Variants in SMAP1 observed in about 807,000 individuals in gnomAD.
The protein encoded by SMAP1 is small ArfGAP 1, also known as stromal membrane-associated protein 1.
SMAP1 carries 24 observed loss-of-function variants against 58.5 expected under a neutral mutation model. The ratio of observed to expected loss-of-function variants is 0.41; its 90% CI spans 0.30 to 0.58. The LOEUF is 0.58. Among genes scored for constraint, SMAP1 ranks in the 20% least tolerant of loss-of-function variants. The pLI, the probability that SMAP1 is intolerant of heterozygous loss-of-function variation, is 0.29. For missense variants in SMAP1, 563 were observed against 566.3 expected (o/e 0.99, Z 0.06); for synonymous variants, 216 against 196.6 (o/e 1.10, Z -0.82).
Position 70,860,904 on chromosome 6 carries a change from C to T in SMAP1, c.*570C>T. 7.7e-6 allele frequency: 3 copies of T among 387,530 alleles called. No individual in the cohort carries two copies. The highest frequency in any genetic ancestry group is 1.4e-5 in the Non-Finnish European group (3 of 219,114). 24.0% of individuals were successfully genotyped at this position (387,530 alleles called of 1,614,324 possible). ...AGGAAGATAAACGTGGATGTTACTC[C>T]AAAACTTCGTTTAATGAATGCTTAA... On this transcript the variant is annotated 3_prime_UTR_variant, in exon 11 of 11. Transcript: ENST00000370455.
intron 6 of SMAP1, among the ~76,000 whole-genome samples, chr6:70,803,420 T>C (rs1768956378): frequency 6.6e-6 from 1 of 152,194 alleles, no homozygotes; most frequent in Non-Finnish European, 1.5e-5. Flanking sequence ...TAGCAGTCTA[T>C]TTTGTTGATC....
At chr6:70,846,658 C>T (rs2150005684) in intron 7 of SMAP1, among the ~76,000 whole-genome samples, 1 of 152,270 alleles carries the variant, frequency 6.6e-6, no homozygotes, top group East Asian at 1.9e-4. Flanking sequence ...AGGAGTCATC[C>T]TGTGCCTCAG....
At chr6:70,859,408 C>A in intron 10 of SMAP1, 1 of 1,546,722 alleles carries the variant, frequency 6.5e-7, no homozygotes, top group Non-Finnish European at 8.7e-7. Context: ...TTAAAATGTC[C>A]TTTAGTAGGT....
At chr6:70,806,157 G>A (rs1458919392) in intron 6 of SMAP1, among the ~76,000 whole-genome samples, 1 of 152,174 alleles carries the variant, frequency 6.6e-6, no homozygotes, top group Admixed American at 6.5e-5. Flanking sequence ...GCTGCGGTGG[G>A]CTCCGCTAAG....
intron 6 of SMAP1, among the ~76,000 whole-genome samples, chr6:70,823,254 A>C (rs1237924689): frequency 2.0e-5 from 3 of 152,074 alleles, no homozygotes; most frequent in Non-Finnish European, 4.4e-5. Context: ...GGACTTTATT[A>C]ATATTTCGGG....
At chr6:70,775,404 G>A (rs766674920) in intron 4 of SMAP1, among the ~76,000 whole-genome samples, 3 of 152,062 alleles carry the variant, frequency 2.0e-5, no homozygotes, top group Non-Finnish European at 2.9e-5. Context: ...ATTTTGGGAT[G>A]GTAGCTGTTA....
intron 6 of SMAP1, among the ~76,000 whole-genome samples, chr6:70,813,150 A>G (rs935458461): frequency 1.3e-5 from 2 of 151,918 alleles, no homozygotes; most frequent in Non-Finnish European, 2.9e-5. Flanking sequence ...CCCCAATTTA[A>G]TGTTGTATTA....
chr6:70,743,126 A>G (rs555514488), intron 2 of SMAP1, among the ~76,000 whole-genome samples: 19 of 152,252 alleles, frequency 1.2e-4, no homozygotes, highest in African/African-American at 2.2e-4. Flanking sequence ...TCCAGTTTAT[A>G]TATCTCTTGA....
intron 1 of SMAP1, among the ~76,000 whole-genome samples, chr6:70,728,947 T>G (rs1765297141): frequency 6.6e-6 from 1 of 152,210 alleles, no homozygotes; most frequent in South Asian, 2.1e-4. Context: ...ATCCAGATGT[T>G]CTTTCTTAGC....
intron 7 of SMAP1, among the ~76,000 whole-genome samples, chr6:70,841,133 A>G (rs1419367925): frequency 6.6e-6 from 1 of 152,216 alleles, no homozygotes; most frequent in Non-Finnish European, 1.5e-5. Flanking sequence ...GTGTGGGGGC[A>G]TAAGACCGCC....
chr6:70,791,426 T>A (rs1768346021), intron 4 of SMAP1, among the ~76,000 whole-genome samples: 1 of 152,202 alleles, frequency 6.6e-6, no homozygotes, highest in African/African-American at 2.4e-5. Context: ...TATGATCTTA[T>A]CTGACTACAT....
intron 4 of SMAP1, among the ~76,000 whole-genome samples, chr6:70,780,236 G>A (rs1236178724): frequency 6.6e-6 from 1 of 152,136 alleles, no homozygotes; most frequent in Admixed American, 6.5e-5. Context: ...CCCTTGTTCT[G>A]CCTGATTTCA....
chr6:70,773,578 C>T (rs1767422093), intron 4 of SMAP1, among the ~76,000 whole-genome samples, 153 bp downstream of exon 4: 1 of 152,072 alleles, frequency 6.6e-6, no homozygotes. Flanking sequence ...TAATGTTGAG[C>T]TCTTGCAGAG....
chr6:70,720,861 G>T (rs929646096), intron 1 of SMAP1, among the ~76,000 whole-genome samples: 2 of 152,070 alleles, frequency 1.3e-5, no homozygotes, highest in African/African-American at 4.8e-5. Flanking sequence ...TTTTCCTCCT[G>T]GGCCTCCGCA....
At chr6:70,692,358 T>C (rs1225056901) in intron 1 of SMAP1, among the ~76,000 whole-genome samples, 1 of 152,244 alleles carries the variant, frequency 6.6e-6, no homozygotes, top group Non-Finnish European at 1.5e-5. Context: ...ATGGAGAGTT[T>C]GTAAATATCT....
At chr6:70,729,159 G>T (rs1217510867) in intron 1 of SMAP1, among the ~76,000 whole-genome samples, 1 of 152,122 alleles carries the variant, frequency 6.6e-6, no homozygotes, top group Admixed American at 6.5e-5. Flanking sequence ...AAGGTGTGAG[G>T]CTGGGCGTGA....
In SMAP1 at chr6:70,754,965, T is replaced by A. The variant is rs750385972; in HGVS notation, c.253-15T>A. The A allele has an allele frequency of 3.6e-5, 56 of 1,564,438 alleles. No individual in the cohort carries two copies. The highest frequency in any genetic ancestry group is 1.7e-4 in the Middle Eastern group (1 of 5,778). The stretch of plus-strand genomic sequence containing the variant: ...AATGTTTATGTGAGTAATTAAAAAA[T>A]TTTTTTTATTATAGTGCATGCAAGA... On this transcript the variant is annotated splice_polypyrimidine_tract_variant and intron_variant, in intron 2 of 10. Coordinates refer to ENST00000370455, the MANE Select transcript of SMAP1 (RefSeq NM_001044305.3).
At chr6:70,831,231 T>C (rs577917212) in intron 6 of SMAP1, among the ~76,000 whole-genome samples, 3 of 152,288 alleles carry the variant, frequency 2.0e-5, no homozygotes, top group South Asian at 4.2e-4. Context: ...GGTCATGATA[T>C]AATGATTGGA....
chr6:70,854,428 C>T (rs1458193349), intron 8 of SMAP1, among the ~76,000 whole-genome samples: 3 of 152,102 alleles, frequency 2.0e-5, no homozygotes, highest in Non-Finnish European at 4.4e-5. Context: ...TCAACACCAG[C>T]CTGGCCAACA....
Sources: allele counts gnomAD v4.1 joint callset (sites outside exome capture counted in the v4.1 genomes callset), GRCh38; gene constraint gnomAD v4.1.1; transcripts MANE v1.5; gene names NCBI Gene and HGNC (gene_info 2026-07-23, HGNC 2026-07-21).